The following LMOD2 variants were observed in gnomAD, a reference collection of about 807,000 sequenced individuals.
LMOD2 encodes leiomodin 2, also known as leiomodin-2.
In LMOD2, 27 loss-of-function variants were observed where a neutral mutation model predicts 41.7. The ratio of observed to expected loss-of-function variants is 0.65; its 90% CI spans 0.48 to 0.89. LMOD2 has a LOEUF of 0.89. Among genes scored for constraint, LMOD2 ranks in the 40% least tolerant of loss-of-function variants. The pLI is 0.00. For synonymous variants in LMOD2, 251 were observed against 244.6 expected (o/e 1.03, Z -0.25); for missense variants, 624 against 667.9 (o/e 0.93, Z 0.72).
In LMOD2 at chr7:123,662,143, C is replaced by T. The variant is rs770273969; in HGVS notation, c.557C>T (p.Ser186Phe). 1.9e-6 allele frequency: 3 copies of T among 1,613,512 alleles called. No individual in the cohort carries two copies. Among genetic ancestry groups the T allele is most frequent in the South Asian group, 2.2e-5 (2 of 90,928 alleles). The change falls in exon 2 of 3, where the codon TCC becomes TTC. Residue 186 changes from serine to phenylalanine, a missense_variant. By Grantham distance (155) the Ser-to-Phe change is radical. Coordinates refer to ENST00000458573, the MANE Select transcript of LMOD2 (RefSeq NM_207163.3). The surrounding 1 kb of genome is among the most constrained non-coding windows in gnomAD (Gnocchi z 4.0). ...GGCAGCAATGGGAGGAACACAGAGT[C>T]CCCAGCTGCCATTCACCCTTGTGGA... ...TNGSNGRNTE[S>F]PAAIHPCGNP... is the part of the protein sequence containing the mutation.
At chr7:123,658,181 A>C (rs1220451534) in intron 1 of LMOD2, among the ~76,000 whole-genome samples, 1 of 152,066 alleles carries the variant, frequency 6.6e-6, no homozygotes, top group Non-Finnish European at 1.5e-5. Context: ...GATCCCTGCC[A>C]ATGGCTTATC....
chr7:123,660,795 T>C (rs1802865840), intron 1 of LMOD2, among the ~76,000 whole-genome samples: 1 of 152,092 alleles, frequency 6.6e-6, no homozygotes, highest in Non-Finnish European at 1.5e-5. Context: ...CTTGAGCGTC[T>C]TTGTACAGCA....
Position 123,662,249 on chromosome 7 carries a change from T to G in LMOD2, c.663T>G (p.Ile221Met). 2 of 1,613,932 alleles carry G rather than the reference T, an allele frequency of 1.2e-6. No individual in the cohort carries two copies. The highest frequency in any genetic ancestry group is 1.7e-6 in the Non-Finnish European group (2 of 1,179,878). The change falls in exon 2 of 3, where the codon ATT becomes ATG. Residue 221 changes from isoleucine to methionine, a missense_variant. Ile to Met is a conservative substitution (Grantham distance 10). Transcript: ENST00000458573. The surrounding 1 kb of genome is among the most constrained non-coding windows in gnomAD (Gnocchi z 4.0). ...CCACAGAAGTCAATTTGAACAACAT[T>G]GAGAACATCACAACACAGACCCTTA... ...PDTTEVNLNN[I>M]ENITTQTLTR...
chr7:123,663,696 G>C (rs771485941), intron 2 of LMOD2, 23 bp from the exon 3 acceptor site: 19 of 1,569,786 alleles, frequency 1.2e-5, no homozygotes, highest in Non-Finnish European at 1.5e-5. Context: ...GTTTCATTGA[G>C]AGAAAATCCG....
chr7:123,662,588 T>C lies in LMOD2; in HGVS notation c.1002T>C (p.His334=). 2 of 1,613,928 alleles carry C rather than the reference T, an allele frequency of 1.2e-6. No individual in the cohort carries two copies. The highest frequency in any genetic ancestry group is 1.7e-6 in the Non-Finnish European group (2 of 1,179,878). The stretch of plus-strand genomic sequence containing the variant: ...CGACGCTGCTGAGGCTGGGATACCA[T>C]TTTGAACTCCCAGGACCAAGAATGA... ...ENTTLLRLGY[H]FELPGPRMSM... Residue 334 remains histidine (H), a synonymous_variant, in exon 2 of 3, where the codon CAT becomes CAC. Coordinates refer to ENST00000458573, the MANE Select transcript of LMOD2 (RefSeq NM_207163.3). This position sits in a 1 kb window ranked among gnomAD's most constrained non-coding sequence, Gnocchi z 4.0.
At chr7:123,657,374 G>C (rs1227101661) in intron 1 of LMOD2, among the ~76,000 whole-genome samples, 1 of 152,174 alleles carries the variant, frequency 6.6e-6, no homozygotes, top group African/African-American at 2.4e-5. Context: ...TACTAATCTA[G>C]GGCTGTTAGA....
intron 1 of LMOD2, among the ~76,000 whole-genome samples, chr7:123,661,198 CAG>C (rs1184842269): frequency 1.3e-5 from 2 of 152,168 alleles, no homozygotes; most frequent in African/African-American, 2.4e-5. Context: ...TCAGGTGATT[CAG>C]AGAGTCTTCT....
At chr7:123,659,035 C>T (rs1314103828) in intron 1 of LMOD2, among the ~76,000 whole-genome samples, 1 of 152,212 alleles carries the variant, frequency 6.6e-6, no homozygotes, top group Non-Finnish European at 1.5e-5. Context: ...CAAACCTTAA[C>T]TACTAATAGC....
In LMOD2 at chr7:123,662,291, C is replaced by T; in HGVS notation, c.705C>T (p.Ala235=). 6.2e-7 allele frequency: 1 copy of T among 1,613,990 alleles called. No individual in the cohort carries two copies. The highest frequency in any genetic ancestry group is 8.5e-7 in the Non-Finnish European group (1 of 1,179,886). ...AGACCCTTACCCGCTTTGCTGAAGC[C>T]CTCAAGGACAACACTGTGGTGAAGA... ...TTQTLTRFAE[A]LKDNTVVKTF... Residue 235 remains alanine (A), a synonymous_variant, in exon 2 of 3, where the codon GCC becomes GCT. Transcript: ENST00000458573. This position sits in a 1 kb window ranked among gnomAD's most constrained non-coding sequence, Gnocchi z 4.0.
intron 1 of LMOD2, 129 bp from the exon 2 acceptor site, chr7:123,661,731 G>A: frequency 1.7e-6 from 1 of 598,670 alleles, no homozygotes; most frequent in East Asian, 2.9e-5. Flanking sequence ...CAGAATGGAA[G>A]CAGAGGATTA....
At position 123,662,926 on chromosome 7, in the gene LMOD2, C is replaced by T; in HGVS notation, c.1340C>T (p.Pro447Leu). ...CCACCACCTCCTCCTCCTCCCCCTC[C>T]TCCACTCCCAGAGAAAAAGCTCATT... ...RLPPPPPPPP[P>L]PLPEKKLITR... Residue 447 changes from proline to leucine, a missense_variant, in exon 2 of 3, where the codon CCT becomes CTT. Transcript: ENST00000458573. This position sits in a 1 kb window ranked among gnomAD's most constrained non-coding sequence, Gnocchi z 4.0. The T allele has an allele frequency of 6.4e-7, 1 of 1,555,704 alleles. No homozygotes were observed. The highest frequency in any genetic ancestry group is 8.7e-7 in the Non-Finnish European group (1 of 1,149,930).
chr7:123,663,728 C>A lies in LMOD2; in HGVS notation c.1627C>A (p.Pro543Thr), dbSNP rs530441994. 6.3e-7 allele frequency: 1 copy of A among 1,579,468 alleles called. No individual in the cohort carries two copies. Among genetic ancestry groups the A allele is most frequent in the Admixed American group, 1.8e-5 (1 of 55,106 alleles). ...TCCGCTATTTTTGTAGGTGGAAGTT[C>A]CAGAAGCCCTGCGATAAAAACATGA... ...SIKQLKRVEV[P>T]EALR Residue 543 changes from proline to threonine, a missense_variant, in exon 3 of 3, where the codon CCA becomes ACA. By Grantham distance (38) the Pro-to-Thr change is conservative. Transcript: ENST00000458573.
rs1291110636 is a variant in LMOD2 at position 123,662,045 on chromosome 7, T to A, written c.459T>A (p.Tyr153Ter). 6.3e-7 allele frequency: 1 copy of A among 1,590,786 alleles called. No homozygotes were observed. Among genetic ancestry groups the A allele is most frequent in the Non-Finnish European group, 8.6e-7 (1 of 1,167,606 alleles). ...TAKGINGTVN[Y>*]DSVNSDNSKP... ...AAGGGATTAATGGAACTGTAAATTATGATAGTGTCAATTCTGACAACTCTA... is the reference window on the plus strand; with the variant it reads ...AAGGGATTAATGGAACTGTAAATTAAGATAGTGTCAATTCTGACAACTCTA... The change falls in exon 2 of 3, where the codon TAT becomes TAA. Residue 153 changes from tyrosine to a stop codon, truncating the protein, a stop_gained. Transcript: ENST00000458573. LOFTEE classifies it high-confidence loss of function. This position sits in a 1 kb window ranked among gnomAD's most constrained non-coding sequence, Gnocchi z 4.0.
intron 1 of LMOD2, among the ~76,000 whole-genome samples, chr7:123,658,428 C>A (rs922032849): frequency 3.3e-5 from 5 of 152,092 alleles, no homozygotes; most frequent in African/African-American, 1.2e-4. Flanking sequence ...AAGGAAGGAC[C>A]CTGAGAAGGA....
Position 123,662,336 on chromosome 7 carries a change from G to C in LMOD2, c.750G>C (p.Thr250=). The change falls in exon 2 of 3, where the codon ACG becomes ACC. Residue 250 remains threonine (T), a synonymous_variant. Coordinates refer to ENST00000458573, the MANE Select transcript of LMOD2 (RefSeq NM_207163.3). This position sits in a 1 kb window ranked among gnomAD's most constrained non-coding sequence, Gnocchi z 4.0. ...TGAAGACGTTCAGTCTGGCCAACACGCATGCCGACGACAGTGCAGCCATGG... is the reference window on the plus strand; with the variant it reads ...TGAAGACGTTCAGTCTGGCCAACACCCATGCCGACGACAGTGCAGCCATGG... ...TVVKTFSLAN[T]HADDSAAMAI... The C allele has an allele frequency of 1.2e-6, 2 of 1,613,998 alleles. No homozygotes were observed. The highest frequency in any genetic ancestry group is 1.7e-6 in the Non-Finnish European group (2 of 1,179,890).
At chr7:123,658,669 T>C (rs540069291) in intron 1 of LMOD2, among the ~76,000 whole-genome samples, 4 of 152,344 alleles carry the variant, frequency 2.6e-5, no homozygotes, top group African/African-American at 9.6e-5. Flanking sequence ...ACTTCATTTT[T>C]AACTTTCTGC....
At chr7:123,661,796 T>C (rs1447807387) in intron 1 of LMOD2, 64 bp from the exon 2 acceptor site, 2 of 1,143,176 alleles carry the variant, frequency 1.7e-6, no homozygotes, top group Non-Finnish European at 2.4e-6. Flanking sequence ...TTTTGCAAGT[T>C]AAAAAATGTA....
chr7:123,662,392 A>C lies in LMOD2; in HGVS notation c.806A>C (p.His269Pro). 6.2e-7 allele frequency: 1 copy of C among 1,614,028 alleles called. No individual in the cohort carries two copies. Among genetic ancestry groups the C allele is most frequent in the Non-Finnish European group, 8.5e-7 (1 of 1,179,892 alleles). ...AIAEMLKVNE[H>P]ITNVNVESNF... is the part of the protein sequence containing the mutation. ...GCAGAGATGCTCAAAGTCAATGAGC[A>C]CATCACCAACGTAAACGTCGAGTCC... Residue 269 changes from histidine to proline, a missense_variant, in exon 2 of 3, where the codon CAC becomes CCC. Transcript: ENST00000458573. This position sits in a 1 kb window ranked among gnomAD's most constrained non-coding sequence, Gnocchi z 4.0.
Position 123,662,708 on chromosome 7 carries a change from T to C in LMOD2, c.1122T>C (p.Asn374=). 1 of 1,613,938 alleles carries C rather than the reference T, an allele frequency of 6.2e-7. No individual in the cohort carries two copies. The highest frequency in any genetic ancestry group is 8.5e-7 in the Non-Finnish European group (1 of 1,179,866). The part of the protein sequence containing the change: ...KQQEGYDGGP[N]LRTKVWQRGT... ...AGGAGGGATACGATGGAGGACCCAA[T>C]CTTAGGACCAAAGTCTGGCAAAGAG... Residue 374 remains asparagine, a synonymous_variant, in exon 2 of 3, where the codon AAT becomes AAC. Coordinates refer to ENST00000458573, the MANE Select transcript of LMOD2 (RefSeq NM_207163.3). This position sits in a 1 kb window ranked among gnomAD's most constrained non-coding sequence, Gnocchi z 4.0.
Sources: allele counts gnomAD v4.1 joint callset (sites outside exome capture counted in the v4.1 genomes callset), GRCh38; gene constraint gnomAD v4.1.1; non-coding constraint Gnocchi (gnomAD v3.1); transcripts MANE v1.5; gene names NCBI Gene and HGNC (gene_info 2026-07-23, HGNC 2026-07-21).